Variants in UNC5C observed in about 807,000 individuals in gnomAD.
UNC5C encodes the protein netrin receptor UNC5C.
In UNC5C, 47 loss-of-function variants were observed where a neutral mutation model predicts 99.8. The ratio of observed to expected loss-of-function variants is 0.47; its 90% CI spans 0.37 to 0.60. The LOEUF (loss-of-function observed/expected upper bound fraction) is 0.60. UNC5C is among the 20% of genes least tolerant of loss of function. The pLI, the probability that UNC5C is intolerant of heterozygous loss-of-function variation, is 0.00. For synonymous variants in UNC5C, 487 were observed against 452.2 expected, an observed-to-expected ratio of 1.08 and a Z score of -0.98; for missense variants, 1,062 against 1,165.9, an observed-to-expected ratio of 0.91 and a Z score of 1.30.
At chr4:95,236,524 T>C (rs543246221) in intron 7 of UNC5C, among the ~76,000 whole-genome samples, 5 of 151,828 alleles carry the variant, frequency 3.3e-5, no homozygotes, top group African/African-American at 1.2e-4. Context: ...GTGGCACATG[T>C]ATACATGTGT....
intron 6 of UNC5C, among the ~76,000 whole-genome samples, chr4:95,243,586 C>T (rs1386071611): frequency 2.6e-5 from 4 of 152,058 alleles, no homozygotes; most frequent in Admixed American, 2.6e-4. Flanking sequence ...CCTTTTATAT[C>T]TACATATTAG....
chr4:95,448,962 C>T (rs985669643), intron 1 of UNC5C, among the ~76,000 whole-genome samples: 38 of 152,054 alleles, frequency 2.5e-4, no homozygotes, highest in African/African-American at 8.5e-4. Flanking sequence ...TGTCATGGGG[C>T]CATTTGATCC....
At chr4:95,356,854 A>G (rs938311521) in intron 1 of UNC5C, among the ~76,000 whole-genome samples, 3 of 152,196 alleles carry the variant, frequency 2.0e-5, no homozygotes, top group African/African-American at 7.2e-5. Flanking sequence ...TTGCATAAGT[A>G]AATATCTACA....
Position 95,443,286 on chromosome 4 carries a change from A to C in UNC5C, c.124+105448T>G, listed in dbSNP as rs1747003943. On this transcript the variant is annotated intron_variant, in intron 1 of 15. Transcript: ENST00000453304. ...CACAGCCAGGCAAGGGACATCTTAG[A>C]GATCAGGGAGGGCCTCAGAGGTCTT... Among the ~76,000 whole-genome samples the C allele has an allele frequency of 2.0e-5, 3 of 152,174 alleles. No homozygotes were observed. The South Asian group carries it at 6.2e-4, about 32-fold the overall frequency.
intron 1 of UNC5C, among the ~76,000 whole-genome samples, chr4:95,436,788 C>T (rs1348819186): frequency 3.3e-5 from 5 of 151,642 alleles, no homozygotes; most frequent in Admixed American, 2.6e-4. Context: ...TGACATTATG[C>T]TCTATTTTTC....
chr4:95,436,776 C>G (rs13116794), intron 1 of UNC5C, among the ~76,000 whole-genome samples: 1 of 151,526 alleles, frequency 6.6e-6, no homozygotes, highest in African/African-American at 2.4e-5. Flanking sequence ...AAGATGCCCT[C>G]ATGACATTAT....
chr4:95,492,478 C>T (rs973877667), intron 1 of UNC5C, among the ~76,000 whole-genome samples: 1 of 151,218 alleles, frequency 6.6e-6, no homozygotes, highest in African/African-American at 2.4e-5. Context: ...ATTATCTGTC[C>T]TTTGTTTTTA....
chr4:95,246,049 ATT>A (rs1739492900), intron 5 of UNC5C, among the ~76,000 whole-genome samples: 1 of 152,196 alleles, frequency 6.6e-6, no homozygotes, highest in Non-Finnish European at 1.5e-5. Flanking sequence ...TTTGCCCAAT[ATT>A]TTGTTTTCTA....
intron 3 of UNC5C, among the ~76,000 whole-genome samples, chr4:95,286,258 T>C (rs967573328): frequency 6.6e-6 from 1 of 152,210 alleles, no homozygotes; most frequent in Admixed American, 6.5e-5. Context: ...TGATGTTTCA[T>C]AAAGAGATAT....
chr4:95,335,346 C>T (rs1743290925), intron 2 of UNC5C, 64 bp downstream of exon 2: 2 of 1,404,052 alleles, frequency 1.4e-6, no homozygotes, highest in Non-Finnish European at 2.0e-6. Context: ...AACAGTATGT[C>T]CACATGCTAG....
chr4:95,184,636 C>T (rs1054991491), intron 13 of UNC5C, among the ~76,000 whole-genome samples: 1 of 152,064 alleles, frequency 6.6e-6, no homozygotes. Context: ...AAGTAGGGCT[C>T]CCTCTAATTT....
intron 1 of UNC5C, among the ~76,000 whole-genome samples, chr4:95,470,469 A>G (rs1487543333): frequency 2.0e-5 from 3 of 152,110 alleles, no homozygotes; most frequent in Admixed American, 1.3e-4. Context: ...ACATCTGGGA[A>G]GGAGATAGGG....
chr4:95,465,897 C>T (rs892235882), intron 1 of UNC5C, among the ~76,000 whole-genome samples: 7 of 152,112 alleles, frequency 4.6e-5, no homozygotes, highest in African/African-American at 1.7e-4. Flanking sequence ...CACCAATATT[C>T]AGAGCTTTTC....
chr4:95,170,417 T>A, intron 14 of UNC5C, 85 bp from the exon 15 acceptor site: 1 of 1,444,912 alleles, frequency 6.9e-7, no homozygotes, highest in Middle Eastern at 1.8e-4. Context: ...AATGCCTTGC[T>A]TTGAGTGATA....
intron 1 of UNC5C, among the ~76,000 whole-genome samples, chr4:95,467,092 C>A (rs2149473053): frequency 6.6e-6 from 1 of 152,260 alleles, no homozygotes; most frequent in East Asian, 1.9e-4. Flanking sequence ...AACTTGGGAG[C>A]AGATCCTCCA....
intron 12 of UNC5C, 113 bp downstream of exon 12, chr4:95,202,618 T>A: frequency 9.8e-7 from 1 of 1,017,266 alleles, no homozygotes; most frequent in Non-Finnish European, 1.4e-6. Context: ...GCCAAACACG[T>A]GTCCACACAC....
intron 12 of UNC5C, among the ~76,000 whole-genome samples, chr4:95,201,756 A>G (rs1737670253): frequency 6.6e-6 from 1 of 151,952 alleles, no homozygotes; most frequent in Non-Finnish European, 1.5e-5. Context: ...GATGCCTGCC[A>G]TCATGCCCGG....
intron 1 of UNC5C, among the ~76,000 whole-genome samples, chr4:95,518,438 T>A (rs1722270200): frequency 6.6e-6 from 1 of 152,182 alleles, no homozygotes; most frequent in African/African-American, 2.4e-5. Context: ...TGGAAAAATC[T>A]GATTTCATAA....
At chr4:95,420,919 A>C (rs10516972) in intron 1 of UNC5C, among the ~76,000 whole-genome samples, 4,992 of 152,298 alleles carry the variant, frequency 0.033, 113 homozygotes, top group African/African-American at 0.051. Context: ...TAAGATTATG[A>C]AGCCTAAAAC....
Sources: gnomAD v4.1 joint callset for allele counts (sites outside exome capture counted in the v4.1 genomes callset) on GRCh38, gnomAD v4.1.1 for gene constraint, MANE v1.5 for transcripts, NCBI Gene and HGNC (gene_info 2026-07-23, HGNC 2026-07-21) for gene names.